NCOA2: variants seen among roughly 807,000 people sequenced by gnomAD.
The protein encoded by NCOA2 is class E basic helix-loop-helix protein 75.
NCOA2 carries 21 observed loss-of-function variants against 145.1 expected under a neutral mutation model. The ratio of observed to expected loss-of-function variants is 0.14; its 90% CI spans 0.10 to 0.21. The LOEUF (loss-of-function observed/expected upper bound fraction) is 0.21, where lower values mean the gene tolerates loss of function less well. NCOA2 is among the 10% of genes least tolerant of loss of function. The pLI, the probability that NCOA2 is intolerant of heterozygous loss-of-function variation, is 1.00. For synonymous variants in NCOA2, 619 were observed against 637.5 expected, an observed-to-expected ratio of 0.97 and a Z score of 0.44; for missense variants, 1,472 against 1,837.6, an observed-to-expected ratio of 0.80 and a Z score of 3.64.
At chr8:70,433,501 A>G in the NCOA2 span, among the ~76,000 whole-genome samples, 2 of 152,206 alleles carry the variant, frequency 1.3e-5, no homozygotes, top group Admixed American at 1.3e-4. Flanking sequence ...TGACCTTGTT[A>G]AAAATGAGTT....
intron 11 of NCOA2, among the ~76,000 whole-genome samples, chr8:70,153,246 C>A (rs1420554868): frequency 3.9e-5 from 6 of 152,116 alleles, no homozygotes; most frequent in African/African-American, 1.4e-4. Context: ...TGTGTGTGTG[C>A]ACATGCATGT....
chr8:70,453,036 A>G, the NCOA2 span, among the ~76,000 whole-genome samples: 1 of 152,244 alleles, frequency 6.6e-6, no homozygotes, highest in Non-Finnish European at 1.5e-5. Flanking sequence ...AATTCTAAAG[A>G]TTCTCTTGAA....
intron 1 of NCOA2, among the ~76,000 whole-genome samples, chr8:70,337,423 G>A (rs944755261): frequency 6.6e-6 from 1 of 152,128 alleles, no homozygotes; most frequent in Non-Finnish European, 1.5e-5. Flanking sequence ...AGAGGACAGT[G>A]GTTAAGGTCA....
the NCOA2 span, among the ~76,000 whole-genome samples, chr8:70,438,420 T>C: frequency 1.3e-5 from 2 of 152,222 alleles, no homozygotes; most frequent in Admixed American, 1.3e-4. Context: ...AATTATCTTA[T>C]TTTACTTGGC....
chr8:70,237,453 T>C (rs1427941115), intron 2 of NCOA2, among the ~76,000 whole-genome samples: 1 of 151,750 alleles, frequency 6.6e-6, no homozygotes, highest in East Asian at 1.9e-4. Context: ...AAGTATAAAC[T>C]TATAGTTTTG....
rs527395916 is a variant in NCOA2 at position 70,321,506 on chromosome 8, T to C, written c.-76-24706A>G. Reference sequence around the variant, plus strand: ...CACTTTGTAACCCATAAGTATGTAATTACAAATTGCCAATTTACAAAATTA... The same window carrying C: ...CACTTTGTAACCCATAAGTATGTAACTACAAATTGCCAATTTACAAAATTA... On this transcript the variant is annotated intron_variant, in intron 1 of 22. Transcript: ENST00000452400. Among the ~76,000 whole-genome samples the C allele has an allele frequency of 4.1e-4, 62 of 152,188 alleles. 1 individual carries two copies. The highest frequency in any genetic ancestry group is 1.4e-3 in the African/African-American group (60 of 41,506).
intron 1 of NCOA2, among the ~76,000 whole-genome samples, chr8:70,368,399 T>G (rs572729950): frequency 1.1e-4 from 16 of 152,002 alleles, no homozygotes; most frequent in Admixed American, 2.0e-4. Context: ...GAAAGCAGAG[T>G]TTTAGAAAAC....
At chr8:70,328,582 A>C (rs948730118) in intron 1 of NCOA2, among the ~76,000 whole-genome samples, 4 of 152,206 alleles carry the variant, frequency 2.6e-5, no homozygotes, top group East Asian at 1.9e-4. Flanking sequence ...TCAGTGATTA[A>C]GCAGGCAATC....
At chr8:70,210,124 CT>C (rs1452756727) in intron 4 of NCOA2, among the ~76,000 whole-genome samples, 1 of 152,194 alleles carries the variant, frequency 6.6e-6, no homozygotes, top group African/African-American at 2.4e-5. Flanking sequence ...CGCTTAATGG[CT>C]GTGTGACTTT....
intron 2 of NCOA2, among the ~76,000 whole-genome samples, chr8:70,258,504 TCTG>T (rs1344952866): frequency 2.0e-5 from 3 of 152,212 alleles, no homozygotes; most frequent in Admixed American, 2.0e-4. Context: ...GAAATCTGTA[TCTG>T]CTACTTTTCA....
At chr8:70,333,301 G>C (rs904977494) in intron 1 of NCOA2, among the ~76,000 whole-genome samples, 102 of 152,234 alleles carry the variant, frequency 6.7e-4, no homozygotes, top group African/African-American at 2.2e-3. Context: ...CTATTACACC[G>C]ATGGGTACCT....
intron 1 of NCOA2, among the ~76,000 whole-genome samples, chr8:70,367,112 T>C (rs1810771633): frequency 6.6e-6 from 1 of 152,172 alleles, no homozygotes; most frequent in South Asian, 2.1e-4. Flanking sequence ...CAAAACACCC[T>C]ACCAGGCCTT....
At position 70,170,338 on chromosome 8, in the gene NCOA2, G is replaced by A. The variant is rs369692565; in HGVS notation, c.405C>T (p.Asn135=). Residue 135 remains asparagine (N), a synonymous_variant, in exon 6 of 23, where the codon AAC becomes AAT. Transcript: ENST00000452400. ...GFFFVVNLEG[N]VVFVSENVTQ... ...TCACATTCTCTGACACAAACACAAC[G>A]TTGCCTTCCAGGTTCACTACAAAGA... 83 of 1,603,168 alleles carry A rather than the reference G, an allele frequency of 5.2e-5. No homozygotes were observed. Among genetic ancestry groups the A allele is most frequent in the Non-Finnish European group, 6.3e-5 (74 of 1,174,654 alleles).
chr8:70,242,572 A>C (rs1822235119), intron 2 of NCOA2, among the ~76,000 whole-genome samples: 1 of 152,132 alleles, frequency 6.6e-6, no homozygotes, highest in South Asian at 2.1e-4. Context: ...TGCATTTCTG[A>C]ATGATAATTT....
upstream of NCOA2, among the ~76,000 whole-genome samples, chr8:70,406,786 A>C (rs1171158375): frequency 1.3e-5 from 2 of 152,200 alleles, no homozygotes; most frequent in Non-Finnish European, 2.9e-5. Flanking sequence ...CACTTTTTTC[A>C]TAAGTAAACT....
rs555356697 is a variant in NCOA2, at chr8:70,262,623, T to G, written c.-20+34121A>C. Among the ~76,000 whole-genome samples, 3 of 152,060 alleles carry G rather than the reference T, an allele frequency of 2.0e-5. No homozygotes were observed. In the South Asian group the frequency reaches 6.2e-4, roughly 32 times the overall value. On this transcript the variant is annotated intron_variant, in intron 2 of 22. Transcript: ENST00000452400. ...AGTGGAATACCAACTTTTAAACAGG[T>G]TGGACATTTAATAGAGGAAGGACAA...
At chr8:70,443,238 G>A in the NCOA2 span, among the ~76,000 whole-genome samples, 3 of 134,312 alleles carry the variant, frequency 2.2e-5, no homozygotes, top group Admixed American at 7.6e-5. Flanking sequence ...GGTGGGGGGC[G>A]CATGCCTGTG....
intron 11 of NCOA2, among the ~76,000 whole-genome samples, chr8:70,149,388 C>A (rs1811496742): frequency 6.8e-6 from 1 of 146,412 alleles, no homozygotes; most frequent in Non-Finnish European, 1.5e-5. Context: ...GCATGCACCA[C>A]CACCACCATG....
intron 2 of NCOA2, among the ~76,000 whole-genome samples, chr8:70,252,672 T>G (rs1489710222): frequency 1.3e-5 from 2 of 152,176 alleles, no homozygotes; most frequent in Non-Finnish European, 2.9e-5. Flanking sequence ...CATCAAGTAT[T>G]ACACAGGTCA....
Sources: allele counts gnomAD v4.1 joint callset (sites outside exome capture counted in the v4.1 genomes callset), GRCh38; gene constraint gnomAD v4.1.1; transcripts MANE v1.5; gene names NCBI Gene and HGNC (gene_info 2026-07-23, HGNC 2026-07-21).